ZNF827: variants seen among roughly 807,000 people sequenced by gnomAD.
The protein encoded by ZNF827 is zinc finger protein 827.
A neutral mutation model predicts 102.4 loss-of-function variants in ZNF827; 13 were observed. The observed-to-expected ratio is 0.13, with a 90% CI of 0.08 to 0.20. The LOEUF (loss-of-function observed/expected upper bound fraction) is 0.20. Ranked by LOEUF, ZNF827 falls within the 10% of genes least tolerant of loss-of-function variation. The pLI, the probability that ZNF827 is intolerant of heterozygous loss-of-function variation, is 1.00. For missense variants in ZNF827, 1,103 were observed against 1,344.4 expected (o/e 0.82, Z 2.81); for synonymous variants, 523 against 536.2 (o/e 0.98, Z 0.34).
intron 1 of ZNF827, among the ~76,000 whole-genome samples, chr4:145,929,925 T>C (rs1406234909): frequency 1.3e-5 from 2 of 152,212 alleles, no homozygotes; most frequent in Non-Finnish European, 2.9e-5. Flanking sequence ...ACAGGGAAGA[T>C]AAGCAATTTG....
chr4:145,817,149 A>G (rs1210902731), intron 8 of ZNF827, among the ~76,000 whole-genome samples: 2 of 152,160 alleles, frequency 1.3e-5, no homozygotes, highest in Non-Finnish European at 2.9e-5. Flanking sequence ...GCTTCCTAAA[A>G]GCCCTTCTCA....
intron 8 of ZNF827, among the ~76,000 whole-genome samples, chr4:145,787,182 C>T (rs931222246): frequency 6.6e-5 from 10 of 152,240 alleles, no homozygotes; most frequent in African/African-American, 1.7e-4. Flanking sequence ...TAGTTTTTGT[C>T]GGCCGGGCGC....
At chr4:145,894,488 T>A (rs1466780172) in intron 2 of ZNF827, among the ~76,000 whole-genome samples, 1 of 152,228 alleles carries the variant, frequency 6.6e-6, no homozygotes, top group Non-Finnish European at 1.5e-5. Flanking sequence ...ATCATGTATT[T>A]ACTGGGTCAA....
intron 5 of ZNF827, among the ~76,000 whole-genome samples, chr4:145,868,452 A>G (rs1199717294): frequency 6.6e-6 from 1 of 152,162 alleles, no homozygotes; most frequent in East Asian, 1.9e-4. Context: ...TGGAAACAGG[A>G]CGTCATCCAT....
At chr4:145,835,834 C>T (rs964925822) in intron 7 of ZNF827, among the ~76,000 whole-genome samples, 7 of 150,476 alleles carry the variant, frequency 4.7e-5, no homozygotes, top group Admixed American at 3.3e-4. Flanking sequence ...TTACAATACC[C>T]CCATTTTACC....
At chr4:145,915,741 T>C (rs979187757) in intron 1 of ZNF827, among the ~76,000 whole-genome samples, 3 of 152,132 alleles carry the variant, frequency 2.0e-5, no homozygotes, top group Non-Finnish European at 2.9e-5. Flanking sequence ...AATCCAAACG[T>C]CCAGAGTCTA....
chr4:145,838,456 G>A (rs974070495), intron 7 of ZNF827, among the ~76,000 whole-genome samples: 1 of 152,136 alleles, frequency 6.6e-6, no homozygotes, highest in African/African-American at 2.4e-5. Context: ...CAGCCATGTC[G>A]CTCACACAAA....
At chr4:145,878,736 G>A (rs1749402121) in intron 4 of ZNF827, among the ~76,000 whole-genome samples, 1 of 151,202 alleles carries the variant, frequency 6.6e-6, no homozygotes, top group South Asian at 2.1e-4. Context: ...GGAGAGAGAG[G>A]AAGGGAGGAA....
At chr4:145,838,650 C>T (rs563687349) in intron 7 of ZNF827, among the ~76,000 whole-genome samples, 88 of 151,988 alleles carry the variant, frequency 5.8e-4, no homozygotes, top group Admixed American at 1.3e-3. Flanking sequence ...TTGAGAATGT[C>T]CATGGAAAAA....
At chr4:145,880,196 C>T (rs1749545645) in intron 4 of ZNF827, among the ~76,000 whole-genome samples, 1 of 152,222 alleles carries the variant, frequency 6.6e-6, no homozygotes, top group South Asian at 2.1e-4. Context: ...GATCGCATCA[C>T]TGACTTCAGC....
chr4:145,870,396 C>T lies in ZNF827; in HGVS notation c.1830G>A (p.Leu610=). The change falls in exon 5 of 15, where the codon TTG becomes TTA. Residue 610 remains leucine (L), a synonymous_variant. Coordinates refer to ENST00000508784, the MANE Select transcript of ZNF827 (RefSeq NM_001306215.2). ...PKEGESLSTT[L]PRSSYVFSPE... ...GGCTGAACACATAGCTGGACCGAGG[C>T]AAAGTCGTGCTTAGGGACTCCCCTT... The T allele has an allele frequency of 6.2e-7, 1 of 1,614,122 alleles. No homozygotes were observed. The highest frequency in any genetic ancestry group is 8.5e-7 in the Non-Finnish European group (1 of 1,180,010).
intron 8 of ZNF827, among the ~76,000 whole-genome samples, chr4:145,797,315 G>C (rs1286091327): frequency 1.3e-5 from 2 of 152,210 alleles, no homozygotes; most frequent in African/African-American, 4.8e-5. Context: ...TTCAGATCTT[G>C]CTCTTAAAGG....
At position 145,779,640 on chromosome 4, in the gene ZNF827, G is replaced by T. The variant is rs1348476114; in HGVS notation, c.2384-129C>A. On this transcript the variant is annotated intron_variant, in intron 8 of 14. Transcript: ENST00000508784. ...GGCTAGTAATTGCAAATGAGTCTCC[G>T]TAACTGGTTTTCCTGCTCATTTCCT... 1.2e-5 allele frequency: 15 copies of T among 1,279,854 alleles called. 1 individual carries two copies. In the South Asian group the frequency reaches 1.7e-4, roughly 14 times the overall value. The allele number at this position is 1,279,854 out of a possible 1,614,324, so 79.3% of individuals were successfully genotyped here.
chr4:145,907,408 A>AT (rs1390790751), intron 1 of ZNF827, among the ~76,000 whole-genome samples: 1 of 152,172 alleles, frequency 6.6e-6, no homozygotes, highest in Non-Finnish European at 1.5e-5. Flanking sequence ...AAAACAAAGC[A>AT]TTTTTTTAAA....
At chr4:145,785,011 A>C (rs949911729) in intron 8 of ZNF827, among the ~76,000 whole-genome samples, 6 of 151,960 alleles carry the variant, frequency 3.9e-5, no homozygotes, top group Non-Finnish European at 8.8e-5. Context: ...CTACTTTTCC[A>C]CCTATGATGT....
intron 4 of ZNF827, among the ~76,000 whole-genome samples, chr4:145,872,018 T>A (rs1748732053): frequency 6.6e-6 from 1 of 152,194 alleles, no homozygotes; most frequent in Admixed American, 6.5e-5. Flanking sequence ...TCGGCTCAAA[T>A]ACTACCTGCT....
intron 1 of ZNF827, among the ~76,000 whole-genome samples, chr4:145,920,411 C>T (rs1752974253): frequency 6.6e-6 from 1 of 152,164 alleles, no homozygotes; most frequent in Non-Finnish European, 1.5e-5. Context: ...GACTTCCAAC[C>T]ACAAAAGTTC....
At chr4:145,843,224 G>GA (rs56080563) in intron 7 of ZNF827, among the ~76,000 whole-genome samples, 78,571 of 142,674 alleles carry the variant, frequency 0.55, 21,163 homozygotes, top group East Asian at 0.68. Flanking sequence ...CTACTCAAAG[G>GA]AAAAAAAAAA....
intron 5 of ZNF827, among the ~76,000 whole-genome samples, chr4:145,870,032 T>C (rs1388745784): frequency 1.3e-5 from 2 of 152,160 alleles, no homozygotes; most frequent in Non-Finnish European, 2.9e-5. Flanking sequence ...CAGGAAAAGG[T>C]TGTATTTAAT....
Sources: allele counts gnomAD v4.1 joint callset (sites outside exome capture counted in the v4.1 genomes callset), GRCh38; gene constraint gnomAD v4.1.1; transcripts MANE v1.5; gene names NCBI Gene and HGNC (gene_info 2026-07-23, HGNC 2026-07-21).